PEPD: variants seen among roughly 807,000 people sequenced by gnomAD.
PEPD encodes the protein peptidase D.
Under a neutral mutation model 60.7 loss-of-function variants are expected in PEPD, and 53 were observed. The observed-to-expected ratio is 0.87, with a 90% confidence interval of 0.70 to 1.10. The LOEUF is 1.10. PEPD is among the 50% of genes least tolerant of loss of function. PEPD has a pLI of 0.00. For missense variants in PEPD, 711 were observed against 711.9 expected, an observed-to-expected ratio of 1.00 and a Z score of 0.01; for synonymous variants, 267 against 284.1, an observed-to-expected ratio of 0.94 and a Z score of 0.60.
chr19:33,459,583 A>G (rs1490600461), intron 9 of PEPD, among the ~76,000 whole-genome samples: 1 of 152,092 alleles, frequency 6.6e-6, no homozygotes, highest in Admixed American at 6.5e-5. Context: ...CTACACCTCA[A>G]TTGCGGAAAA....
intron 2 of PEPD, among the ~76,000 whole-genome samples, chr19:33,512,219 CCT>C (rs1398006335): frequency 2.6e-5 from 4 of 152,172 alleles, no homozygotes; most frequent in African/African-American, 9.7e-5. Flanking sequence ...AGTCATTTCC[CCT>C]CTGAGCCTCA....
Position 33,500,918 on chromosome 19 carries a change from A to G in PEPD, c.393+20T>C. On this transcript the variant is annotated intron_variant, in intron 4 of 14. Transcript: ENST00000244137. ...ATGCTGGAAGCCCTGGGCTGCTCAG[A>G]GGAGGAGCCGGCTACCCACCTCATC... is the stretch of plus-strand genomic sequence containing the variant. The G allele has an allele frequency of 6.8e-7, 1 of 1,480,744 alleles. No individual in the cohort carries two copies. The highest frequency in any genetic ancestry group is 1.7e-5 in the Admixed American group (1 of 59,846). The allele number at this position is 1,480,744 out of a possible 1,614,324, so 91.7% of individuals were successfully genotyped here.
intron 9 of PEPD, among the ~76,000 whole-genome samples, chr19:33,432,921 C>T (rs988304405): frequency 7.9e-5 from 12 of 152,370 alleles, no homozygotes; most frequent in South Asian, 6.2e-4. Flanking sequence ...CTTCCAGAGG[C>T]ACCTCGGCCT....
At chr19:33,487,756 C>T (rs1970422915) in intron 6 of PEPD, among the ~76,000 whole-genome samples, 1 of 152,144 alleles carries the variant, frequency 6.6e-6, no homozygotes, top group Non-Finnish European at 1.5e-5. Context: ...AAAAGTGTCC[C>T]AGTGGTGACA....
chr19:33,397,602 T>C (rs1836640128), intron 12 of PEPD, among the ~76,000 whole-genome samples: 1 of 148,576 alleles, frequency 6.7e-6, no homozygotes, highest in Admixed American at 6.7e-5. Flanking sequence ...GTGTGGGTGG[T>C]AGGTGTGGGG....
intron 9 of PEPD, among the ~76,000 whole-genome samples, chr19:33,414,929 G>A (rs1055342315): frequency 3.3e-5 from 5 of 152,198 alleles, no homozygotes; most frequent in South Asian, 2.1e-4. Context: ...AGCCGCCCCC[G>A]TATTCGTGGT....
At chr19:33,435,496 C>T (rs73927890) in intron 9 of PEPD, among the ~76,000 whole-genome samples, 42,326 of 152,146 alleles carry the variant, frequency 0.28, 6,478 homozygotes, top group East Asian at 0.41. Flanking sequence ...CGAGCCCAGA[C>T]GAAGGACAAC....
chr19:33,414,896 G>T (rs1968856087), intron 9 of PEPD, among the ~76,000 whole-genome samples: 1 of 152,236 alleles, frequency 6.6e-6, no homozygotes, highest in African/African-American at 2.4e-5. Context: ...AGGGAAGCAA[G>T]AAAGCCACAT....
intron 9 of PEPD, among the ~76,000 whole-genome samples, chr19:33,451,146 A>G (rs1452687655): frequency 1.3e-5 from 2 of 152,208 alleles, no homozygotes; most frequent in African/African-American, 2.4e-5. Flanking sequence ...CTGAACTGTA[A>G]CACCGCTGCT....
chr19:33,426,248 C>T (rs1969145579), intron 9 of PEPD, among the ~76,000 whole-genome samples: 2 of 152,208 alleles, frequency 1.3e-5, no homozygotes, highest in Admixed American at 6.5e-5. Flanking sequence ...ATCCCCAAGT[C>T]ACCCCTTCTA....
chr19:33,433,201 C>A (rs1969308674), intron 9 of PEPD, among the ~76,000 whole-genome samples: 1 of 152,228 alleles, frequency 6.6e-6, no homozygotes, highest in Admixed American at 6.5e-5. Flanking sequence ...GTGCCAGCCT[C>A]CCCAGCAACT....
intron 6 of PEPD, among the ~76,000 whole-genome samples, chr19:33,484,218 C>T (rs75827464): frequency 1.5e-3 from 228 of 152,294 alleles, no homozygotes; most frequent in African/African-American, 5.3e-3. Context: ...AAGTGAAGAA[C>T]AGGGCAGCAG....
chr19:33,422,038 C>T (rs1396294037), intron 9 of PEPD, among the ~76,000 whole-genome samples: 2 of 152,114 alleles, frequency 1.3e-5, no homozygotes, highest in Middle Eastern at 3.2e-3. Flanking sequence ...CCTCTGCTCA[C>T]ACCAACCCCG....
At chr19:33,480,004 C>T (rs1452439973) in intron 6 of PEPD, among the ~76,000 whole-genome samples, 7 of 152,192 alleles carry the variant, frequency 4.6e-5, no homozygotes, top group Admixed American at 4.6e-4. Context: ...CTGTCTTCCA[C>T]AATGGTTTAA....
chr19:33,394,673 C>T (rs1388796772), intron 12 of PEPD, among the ~76,000 whole-genome samples: 19 of 152,206 alleles, frequency 1.2e-4, no homozygotes, highest in Admixed American at 1.2e-3. Flanking sequence ...CCCTTGCTGG[C>T]CTGGGCCCAC....
chr19:33,429,947 G>A (rs1409909932), intron 9 of PEPD, among the ~76,000 whole-genome samples: 4 of 152,238 alleles, frequency 2.6e-5, no homozygotes, highest in African/African-American at 9.6e-5. Flanking sequence ...AATGATAAAG[G>A]TGAATAATGG....
chr19:33,507,484 C>T (rs1283203993), intron 3 of PEPD, among the ~76,000 whole-genome samples: 1 of 152,200 alleles, frequency 6.6e-6, no homozygotes, highest in Admixed American at 6.5e-5. Flanking sequence ...GCGTCTGCAA[C>T]CCTGACAACA....
At chr19:33,440,571 T>C (rs1279785516) in intron 9 of PEPD, among the ~76,000 whole-genome samples, 2 of 152,132 alleles carry the variant, frequency 1.3e-5, no homozygotes, top group Non-Finnish European at 2.9e-5. Context: ...TTCTGTTCCC[T>C]GACACCCCAG....
At chr19:33,485,491 T>TAAAAAAAAAAAAA (rs908651690) in intron 6 of PEPD, among the ~76,000 whole-genome samples, 28 of 110,954 alleles carry the variant, frequency 2.5e-4, no homozygotes, top group African/African-American at 1.0e-3. Flanking sequence ...AGACTCTGTC[T>TAAAAAAAAAAAAA]AAAAAAAAAA....
Sources: gnomAD v4.1 joint callset for allele counts (sites outside exome capture counted in the v4.1 genomes callset) on GRCh38, gnomAD v4.1.1 for gene constraint, MANE v1.5 for transcripts, NCBI Gene and HGNC (gene_info 2026-07-23, HGNC 2026-07-21) for gene names.